The following BTG3 variants were observed in gnomAD, a reference collection of about 807,000 sequenced individuals.
BTG3 encodes the protein protein BTG3.
Under a neutral mutation model 25.8 loss-of-function variants are expected in BTG3, and 4 were observed. The observed-to-expected ratio is 0.16, with a 90% confidence interval of 0.08 to 0.36. The LOEUF is 0.36. BTG3 is among the 10% of genes least tolerant of loss of function. The pLI is 1.00. For synonymous variants in BTG3, 107 were observed against 99.9 expected (o/e 1.07, Z -0.42); for missense variants, 201 against 304.9 (o/e 0.66, Z 2.54).
At chr21:17,608,852 G>A (rs2061681565) in intron 2 of BTG3, 120 bp downstream of exon 2, 1 of 960,446 alleles carries the variant, frequency 1.0e-6, no homozygotes, top group African/African-American at 1.7e-5. Context: ...AAACACCCCA[G>A]AGTTCTATAT....
Position 17,612,807 on chromosome 21 carries a change from G to C in BTG3, c.-117C>G, listed in dbSNP as rs1248356480. On this transcript the variant is annotated 5_prime_UTR_variant, in exon 1 of 5. Coordinates refer to ENST00000348354, the MANE Select transcript of BTG3 (RefSeq NM_006806.5). ...GGGCCCGCGCTGGGCAACAGGGAGC[G>C]CAGCGAGCCTCGTCCGGCGCGTGCG... 6.6e-6 allele frequency: 1 copy of C among 152,160 alleles called. No individual in the cohort carries two copies. The highest frequency in any genetic ancestry group is 2.1e-4 in the South Asian group (1 of 4,832). 9.4% of individuals were successfully genotyped at this position (152,160 alleles called of 1,614,324 possible). A position where few individuals can be genotyped will look rare whatever the true frequency, so the allele number is the denominator to read the frequency against.
At chr21:17,602,435 T>A (rs555032818) in intron 3 of BTG3, among the ~76,000 whole-genome samples, 31 of 152,178 alleles carry the variant, frequency 2.0e-4, no homozygotes, top group African/African-American at 6.3e-4. Context: ...ATTTGATCAA[T>A]TGTATACTTG....
At chr21:17,608,914 G>T (rs1459844990) in intron 2 of BTG3, 58 bp downstream of exon 2, 1 of 1,538,124 alleles carries the variant, frequency 6.5e-7, no homozygotes, top group African/African-American at 1.4e-5. Flanking sequence ...CAATCATCCG[G>T]CCTTGAACCC....
At chr21:17,606,533 G>A (rs1009812326) in intron 2 of BTG3, among the ~76,000 whole-genome samples, 4 of 152,008 alleles carry the variant, frequency 2.6e-5, no homozygotes, top group African/African-American at 9.7e-5. Context: ...AAGCAGTTAA[G>A]GATAAAAAGA....
intron 4 of BTG3, among the ~76,000 whole-genome samples, 199 bp downstream of exon 4, chr21:17,598,418 G>A (rs539732518): frequency 6.6e-5 from 10 of 152,220 alleles, no homozygotes; most frequent in African/African-American, 2.4e-4. Context: ...TTATTGTATA[G>A]TGAAGCTGAC....
At chr21:17,599,786 G>A (rs921250916) in intron 3 of BTG3, among the ~76,000 whole-genome samples, 4 of 152,126 alleles carry the variant, frequency 2.6e-5, no homozygotes, top group African/African-American at 9.7e-5. Context: ...AGCCCCAGCT[G>A]TACTTATAAA....
intron 3 of BTG3, among the ~76,000 whole-genome samples, chr21:17,600,088 A>G (rs1253913820): frequency 6.6e-6 from 1 of 152,104 alleles, no homozygotes; most frequent in African/African-American, 2.4e-5. Flanking sequence ...ATTTTTGAAG[A>G]TTTTTGATTT....
intron 3 of BTG3, among the ~76,000 whole-genome samples, chr21:17,599,489 T>TTC (rs199748022): frequency 2.7e-5 from 4 of 150,702 alleles, no homozygotes; most frequent in African/African-American, 9.8e-5. Context: ...TTTTTTTTTT[T>TTC]TTTTTGAGAC....
chr21:17,600,937 G>A (rs915220546), intron 3 of BTG3, among the ~76,000 whole-genome samples: 3 of 152,210 alleles, frequency 2.0e-5, no homozygotes, highest in Non-Finnish European at 4.4e-5. Context: ...GCCAAGGCGG[G>A]TGGATCATGA....
intron 2 of BTG3, 62 bp from the exon 3 acceptor site, chr21:17,605,059 T>C: frequency 1.3e-6 from 2 of 1,562,510 alleles, no homozygotes; most frequent in Non-Finnish European, 1.7e-6. Context: ...CGCCGTAATA[T>C]CTATTCATAC....
intron 2 of BTG3, 188 bp downstream of exon 2, chr21:17,608,784 G>T: frequency 1.9e-6 from 1 of 524,628 alleles, no homozygotes. Flanking sequence ...CCAGGCAGTG[G>T]GACTCCACCA....
intron 4 of BTG3, among the ~76,000 whole-genome samples, chr21:17,596,551 T>C (rs1362108178): frequency 1.3e-5 from 2 of 151,906 alleles, no homozygotes; most frequent in Non-Finnish European, 2.9e-5. Context: ...ACTTTCCCCA[T>C]TGAATTGCTT....
chr21:17,606,098 T>C (rs2824390), intron 2 of BTG3, among the ~76,000 whole-genome samples: 1 of 152,008 alleles, frequency 6.6e-6, no homozygotes, highest in African/African-American at 2.4e-5. Context: ...CATAATAATA[T>C]TAACAATAAT....
intron 4 of BTG3, among the ~76,000 whole-genome samples, chr21:17,595,528 T>A (rs909368949): frequency 6.6e-6 from 1 of 152,024 alleles, no homozygotes; most frequent in Admixed American, 6.6e-5. Context: ...GTATACTGGA[T>A]TGTATCCTGC....
chr21:17,606,861 A>G (rs1415220726), intron 2 of BTG3, among the ~76,000 whole-genome samples: 2 of 152,328 alleles, frequency 1.3e-5, no homozygotes, highest in East Asian at 3.8e-4. Flanking sequence ...ATTTCTAATT[A>G]TACTTCTAGA....
intron 4 of BTG3, among the ~76,000 whole-genome samples, chr21:17,596,978 T>C (rs1410503181): frequency 6.6e-6 from 1 of 152,094 alleles, no homozygotes; most frequent in East Asian, 1.9e-4. Flanking sequence ...TTAAAGCTTG[T>C]GGCAATGCCA....
chr21:17,596,344 T>C (rs2061503623), intron 4 of BTG3, among the ~76,000 whole-genome samples: 1 of 152,068 alleles, frequency 6.6e-6, no homozygotes, highest in Non-Finnish European at 1.5e-5. Context: ...TGTGACCCTC[T>C]AGAGGAAATA....
rs1335323564 is a variant in BTG3 at position 17,594,005 on chromosome 21, C to CTAT, written c.*85_*87dup. 10 of 1,463,474 alleles carry CTAT rather than the reference C, an allele frequency of 6.8e-6. No individual in the cohort carries two copies. The African/African-American group carries it at 1.0e-4, about 15-fold the overall frequency. The allele number at this position is 1,463,474 out of a possible 1,614,324, so 90.7% of individuals were successfully genotyped here. On this transcript the variant is annotated 3_prime_UTR_variant, in exon 5 of 5. Transcript: ENST00000348354. ...TGGTTTGGCCCATCTAACTTCACTA[C>CTAT]TATTAGTAAGAACTTTTAACTTTTA... is the stretch of plus-strand genomic sequence containing the variant.
intron 4 of BTG3, among the ~76,000 whole-genome samples, chr21:17,598,051 C>T (rs1414190347): frequency 6.6e-6 from 1 of 152,058 alleles, no homozygotes; most frequent in Non-Finnish European, 1.5e-5. Context: ...GTTTGGTCAA[C>T]AATTTTTTAA....
Sources: gnomAD v4.1 joint callset for allele counts (sites outside exome capture counted in the v4.1 genomes callset) on GRCh38, gnomAD v4.1.1 for gene constraint, MANE v1.5 for transcripts, NCBI Gene and HGNC (gene_info 2026-07-23, HGNC 2026-07-21) for gene names.